Variants in KLF12 observed in about 807,000 individuals in gnomAD.
The protein encoded by KLF12 is Krueppel-like factor 12.
KLF12 carries 9 observed loss-of-function variants against 37.8 expected under a neutral mutation model. The ratio of observed to expected loss-of-function variants is 0.24; its 90% confidence interval spans 0.14 to 0.42. The LOEUF (loss-of-function observed/expected upper bound fraction) is 0.42. Ranked by LOEUF, KLF12 falls within the 10% of genes least tolerant of loss-of-function variation. The probability of loss-of-function intolerance (pLI) is 1.00; values close to 1 mark genes in which losing one functional copy is unlikely to be tolerated. For synonymous variants in KLF12, 208 were observed against 202.1 expected, an observed-to-expected ratio of 1.03 and a Z score of -0.25; for missense variants, 411 against 516.0, an observed-to-expected ratio of 0.80 and a Z score of 1.97.
At chr13:73,749,835 T>C (rs764103782) in intron 6 of KLF12, among the ~76,000 whole-genome samples, 4 of 152,198 alleles carry the variant, frequency 2.6e-5, no homozygotes, top group Non-Finnish European at 5.9e-5. Flanking sequence ...TGGTTATATT[T>C]AAAAGAAAAG....
At chr13:74,132,741 C>G (rs1202274355) in intron 1 of KLF12, among the ~76,000 whole-genome samples, 3 of 152,150 alleles carry the variant, frequency 2.0e-5, no homozygotes, top group African/African-American at 7.2e-5. Flanking sequence ...GGGCATATAA[C>G]AAAGGAATTG....
intron 1 of KLF12, among the ~76,000 whole-genome samples, chr13:74,058,782 T>G (rs967699605): frequency 6.6e-6 from 1 of 152,230 alleles, no homozygotes; most frequent in African/African-American, 2.4e-5. Flanking sequence ...ACTTGGATTG[T>G]TGTTCTTATT....
chr13:74,110,061 T>C (rs1876887537), intron 1 of KLF12, among the ~76,000 whole-genome samples: 2 of 152,194 alleles, frequency 1.3e-5, no homozygotes, highest in African/African-American at 4.8e-5. Context: ...GATTTTCAAA[T>C]TTTTCAAGAA....
chr13:73,907,663 G>C (rs1888366908), intron 3 of KLF12, among the ~76,000 whole-genome samples: 1 of 152,148 alleles, frequency 6.6e-6, no homozygotes, highest in Non-Finnish European at 1.5e-5. Context: ...GGTCATCCAG[G>C]TGTTAGATGG....
intron 1 of KLF12, among the ~76,000 whole-genome samples, chr13:74,027,443 G>A (rs1893004732): frequency 6.6e-6 from 1 of 152,106 alleles, no homozygotes; most frequent in Admixed American, 6.6e-5. Flanking sequence ...GGTATGAGTG[G>A]CATATATAAT....
chr13:73,761,959 G>A (rs1366849487), intron 6 of KLF12, among the ~76,000 whole-genome samples: 1 of 152,180 alleles, frequency 6.6e-6, no homozygotes, highest in African/African-American at 2.4e-5. Context: ...TGTTCCTAGT[G>A]CATGGTGGTA....
At chr13:73,900,025 T>C (rs1268726001) in intron 3 of KLF12, among the ~76,000 whole-genome samples, 1 of 152,188 alleles carries the variant, frequency 6.6e-6, no homozygotes, top group African/African-American at 2.4e-5. Context: ...CTGAAAGTTT[T>C]TCGTTAAATA....
At chr13:74,187,240 C>T in the KLF12 span, among the ~76,000 whole-genome samples, 17 of 152,020 alleles carry the variant, frequency 1.1e-4, no homozygotes, top group East Asian at 5.8e-4. Context: ...GAGACGATCA[C>T]TCGAACCCAG....
chr13:73,729,211 G>A (rs1475512926), intron 6 of KLF12, among the ~76,000 whole-genome samples: 1 of 152,144 alleles, frequency 6.6e-6, no homozygotes, highest in Non-Finnish European at 1.5e-5. Context: ...CAAGAACTTT[G>A]CAAGTTTTAA....
chr13:74,305,040 T>A, the KLF12 span, among the ~76,000 whole-genome samples: 13 of 152,206 alleles, frequency 8.5e-5, no homozygotes, highest in East Asian at 1.5e-3. Context: ...GTGTAGCTGG[T>A]AATGCATAAT....
At chr13:73,838,622 A>G (rs895819589) in intron 4 of KLF12, among the ~76,000 whole-genome samples, 3 of 152,204 alleles carry the variant, frequency 2.0e-5, no homozygotes, top group African/African-American at 7.2e-5. Context: ...CCATTTCAAT[A>G]AAAGTCTTAA....
At chr13:73,884,456 C>T (rs1408690751) in intron 3 of KLF12, among the ~76,000 whole-genome samples, 1 of 152,182 alleles carries the variant, frequency 6.6e-6, no homozygotes, top group African/African-American at 2.4e-5. Context: ...TGATAATCAT[C>T]CTCTTTAAAT....
chr13:73,941,396 T>TA (rs1026565961), intron 3 of KLF12, among the ~76,000 whole-genome samples: 3 of 152,150 alleles, frequency 2.0e-5, no homozygotes, highest in Admixed American at 6.5e-5. Context: ...CTCTATGTCG[T>TA]AAAAAATAGA....
chr13:73,974,702 G>C (rs1891457400), intron 2 of KLF12, among the ~76,000 whole-genome samples: 1 of 152,154 alleles, frequency 6.6e-6, no homozygotes, highest in African/African-American at 2.4e-5. Flanking sequence ...GAGTAGAAAA[G>C]TAGCTGTTTA....
At chr13:74,005,682 A>T (rs558224720) in intron 1 of KLF12, among the ~76,000 whole-genome samples, 1 of 152,228 alleles carries the variant, frequency 6.6e-6, no homozygotes, top group Non-Finnish European at 1.5e-5. Context: ...TAACATGAAA[A>T]GCGCAGCCAT....
At chr13:74,141,270 A>G in the KLF12 span, among the ~76,000 whole-genome samples, 1 of 152,324 alleles carries the variant, frequency 6.6e-6, no homozygotes, top group African/African-American at 2.4e-5. Flanking sequence ...TTAATTCAGG[A>G]GGATTCATTT....
At chr13:73,981,724 G>A (rs946966947) in intron 2 of KLF12, among the ~76,000 whole-genome samples, 3 of 152,058 alleles carry the variant, frequency 2.0e-5, no homozygotes, top group African/African-American at 4.8e-5. Flanking sequence ...AATAAGAGGC[G>A]GTGCCTTTTA....
intron 6 of KLF12, among the ~76,000 whole-genome samples, chr13:73,717,737 A>T (rs1875924870): frequency 6.6e-6 from 1 of 152,178 alleles, no homozygotes. Context: ...TAATTGACTC[A>T]CAGTTGCAGG....
At chr13:73,778,645 G>A (rs912578929) in intron 5 of KLF12, among the ~76,000 whole-genome samples, 12 of 152,118 alleles carry the variant, frequency 7.9e-5, no homozygotes, top group Non-Finnish European at 1.3e-4. Context: ...GATTACAAGC[G>A]TGAGCCACTG....
Sources: allele counts gnomAD v4.1 joint callset (sites outside exome capture counted in the v4.1 genomes callset), GRCh38; gene constraint gnomAD v4.1.1; transcripts MANE v1.5; gene names NCBI Gene and HGNC (gene_info 2026-07-23, HGNC 2026-07-21).